Variants in FER1L6 observed in about 807,000 individuals in gnomAD.
FER1L6 encodes fer-1-like protein 6.
FER1L6 carries 177 observed loss-of-function variants against 219.2 expected under a neutral mutation model. That is an observed-to-expected ratio of 0.81 (90% confidence interval 0.71 to 0.91). The LOEUF is 0.91. FER1L6 is among the 40% of genes least tolerant of loss of function. The probability of loss-of-function intolerance (pLI) is 0.00; values close to 1 mark genes in which losing one functional copy is unlikely to be tolerated. For synonymous variants in FER1L6, 768 were observed against 824.3 expected (o/e 0.93, Z 1.17); for missense variants, 2,153 against 2,259.9 (o/e 0.95, Z 0.96).
intron 34 of FER1L6, among the ~76,000 whole-genome samples, chr8:124,093,925 CTTT>C (rs34671959): frequency 6.6e-6 from 1 of 151,908 alleles, no homozygotes; most frequent in East Asian, 1.9e-4. Context: ...ACTGTGGCCC[CTTT>C]TTTTTAAAGA....
At chr8:123,854,112 G>A (rs1816582495) in intron 1 of FER1L6, among the ~76,000 whole-genome samples, 1 of 152,140 alleles carries the variant, frequency 6.6e-6, no homozygotes, top group Non-Finnish European at 1.5e-5. Flanking sequence ...TGGTTTCTCA[G>A]GACAGTTACG....
intron 1 of FER1L6, among the ~76,000 whole-genome samples, chr8:123,932,446 G>T (rs1177281865): frequency 6.6e-6 from 1 of 152,176 alleles, no homozygotes; most frequent in African/African-American, 2.4e-5. Flanking sequence ...TTTAAGGCAT[G>T]TGTTACTCAT....
chr8:123,865,663 G>C (rs1816823397), intron 1 of FER1L6, among the ~76,000 whole-genome samples: 1 of 151,302 alleles, frequency 6.6e-6, no homozygotes, highest in African/African-American at 2.5e-5. Context: ...TCCGAGCCAG[G>C]TGTGGGATAT....
chr8:124,088,562 A>G (rs548162656), intron 33 of FER1L6, among the ~76,000 whole-genome samples: 12 of 152,058 alleles, frequency 7.9e-5, no homozygotes, highest in African/African-American at 2.9e-4. Context: ...TTCGTCAAGC[A>G]GAAGCAATCT....
At position 123,853,090 on chromosome 8, in the gene FER1L6, T is replaced by C. The variant is rs1220948680; in HGVS notation, c.-8+905T>C. Among the ~76,000 whole-genome samples, 2 of 152,196 alleles carry C rather than the reference T, an allele frequency of 1.3e-5. No individual in the cohort carries two copies. Among genetic ancestry groups the C allele is most frequent in the Admixed American group, 6.5e-5 (1 of 15,288 alleles). On this transcript the variant is annotated intron_variant, in intron 1 of 40. Transcript: ENST00000522917. This position sits in a 1 kb window ranked among gnomAD's most constrained non-coding sequence, Gnocchi z 6.6. The stretch of plus-strand genomic sequence containing the variant: ...AACTCCTGGGCTCAAGCGATCCTCC[T>C]GCCTCAGCCTTCCAAAGTGCTCGGA...
intron 36 of FER1L6, 112 bp from the exon 37 acceptor site, chr8:124,097,673 A>C: frequency 1.5e-6 from 1 of 677,390 alleles, no homozygotes; most frequent in Non-Finnish European, 2.6e-6. Context: ...ATATTTCTGA[A>C]CTTGGCAAAC....
intron 1 of FER1L6, among the ~76,000 whole-genome samples, chr8:123,952,736 A>G (rs538512746): frequency 3.3e-5 from 5 of 152,274 alleles, no homozygotes; most frequent in Non-Finnish European, 7.3e-5. Context: ...GCATAACATC[A>G]TCTTCCTCGT....
chr8:123,864,402 G>A (rs1816795351), intron 1 of FER1L6, among the ~76,000 whole-genome samples: 1 of 150,040 alleles, frequency 6.7e-6, no homozygotes, highest in Non-Finnish European at 1.5e-5. Flanking sequence ...CTCTCTGGCT[G>A]CCCTTAACAT....
At chr8:124,070,401 A>G (rs1163584732) in intron 29 of FER1L6, 66 bp from the exon 30 acceptor site, 1 of 1,572,622 alleles carries the variant, frequency 6.4e-7, no homozygotes, top group East Asian at 2.3e-5. Flanking sequence ...GAATCTTGGC[A>G]TTTCTCATTA....
At chr8:124,064,959 A>T (rs1270860763) in intron 26 of FER1L6, among the ~76,000 whole-genome samples, 3 of 152,258 alleles carry the variant, frequency 2.0e-5, no homozygotes, top group African/African-American at 7.2e-5. Context: ...GGAGGAAAAC[A>T]GTTAGTGACG....
At chr8:123,881,030 T>C (rs756909432) in intron 1 of FER1L6, among the ~76,000 whole-genome samples, 1 of 152,188 alleles carries the variant, frequency 6.6e-6, no homozygotes, top group Non-Finnish European at 1.5e-5. Flanking sequence ...AGTAATCATG[T>C]CTGTTGCAAT....
intron 39 of FER1L6, among the ~76,000 whole-genome samples, 176 bp from the exon 40 acceptor site, chr8:124,118,668 A>G (rs1823348978): frequency 6.6e-6 from 1 of 152,220 alleles, no homozygotes; most frequent in African/African-American, 2.4e-5. Context: ...TTTACTGTTC[A>G]TCATAAAAAT....
chr8:124,100,427 G>T (rs932387755), intron 37 of FER1L6, among the ~76,000 whole-genome samples: 3 of 152,146 alleles, frequency 2.0e-5, no homozygotes, highest in African/African-American at 7.2e-5. Flanking sequence ...TGCTATAATT[G>T]CTTCCAGTGT....
intron 1 of FER1L6, among the ~76,000 whole-genome samples, chr8:123,869,177 A>T (rs560157414): frequency 6.6e-6 from 1 of 152,354 alleles, no homozygotes; most frequent in Admixed American, 6.5e-5. Context: ...TCACCTTTGC[A>T]AGAGTTAATA....
At chr8:123,885,079 G>T (rs1345920302) in intron 1 of FER1L6, among the ~76,000 whole-genome samples, 1 of 152,142 alleles carries the variant, frequency 6.6e-6, no homozygotes, top group East Asian at 1.9e-4. Context: ...GCCACAGGAT[G>T]CCAAGGACTG....
chr8:123,930,065 C>G, intron 1 of FER1L6, among the ~76,000 whole-genome samples: 1 of 151,914 alleles, frequency 6.6e-6, no homozygotes, highest in East Asian at 1.9e-4. Flanking sequence ...AGACAGGTCC[C>G]ACGTACCCTT....
At chr8:124,029,981 A>G (rs1462462603) in intron 18 of FER1L6, among the ~76,000 whole-genome samples, 1 of 152,168 alleles carries the variant, frequency 6.6e-6, no homozygotes, top group East Asian at 1.9e-4. Flanking sequence ...TTTTTGGCAT[A>G]TGGCTAGCCA....
intron 1 of FER1L6, among the ~76,000 whole-genome samples, chr8:123,877,291 T>G (rs4260878): frequency 0.028 from 4,283 of 152,366 alleles, 203 homozygotes; most frequent in African/African-American, 0.097. Context: ...CACCACAGTT[T>G]TATCCAACCC....
chr8:123,892,787 A>T (rs1586444784), intron 1 of FER1L6, among the ~76,000 whole-genome samples: 2 of 152,290 alleles, frequency 1.3e-5, no homozygotes, highest in East Asian at 1.9e-4. Context: ...CCAACAGCAA[A>T]ATTTCAAGTT....
Sources: allele counts gnomAD v4.1 joint callset (sites outside exome capture counted in the v4.1 genomes callset), GRCh38; gene constraint gnomAD v4.1.1; non-coding constraint Gnocchi (gnomAD v3.1); transcripts MANE v1.5; gene names NCBI Gene and HGNC (gene_info 2026-07-23, HGNC 2026-07-21).